Variants in GYS2 observed in about 807,000 individuals in gnomAD.
GYS2 encodes glycogen synthase 2.
GYS2 carries 80 observed loss-of-function variants against 85.6 expected under a neutral mutation model. That is an observed-to-expected ratio of 0.93 (90% CI 0.78 to 1.13). The LOEUF is 1.13. Ranked by LOEUF, GYS2 falls within the 50% of genes most tolerant of loss-of-function variation. The pLI is 0.00. For missense variants in GYS2, 881 were observed against 854.9 expected, an observed-to-expected ratio of 1.03 and a Z score of -0.38; for synonymous variants, 328 against 300.7, an observed-to-expected ratio of 1.09 and a Z score of -0.94.
Position 21,546,410 on chromosome 12 carries a change from C to T in GYS2, c.1483G>A (p.Glu495Lys). The stretch of plus-strand genomic sequence containing the variant: ...CCAAGATGACAACCTCTAACAAACT[C>T]TTCATAGTCCATGGGTAGTAAGGGA... ...TSPLLPMDYE[E>K]FVRGCHLGVF... Residue 495 changes from glutamate (E) to lysine (K), a missense_variant, in exon 12 of 16, where the codon GAG becomes AAG. Physicochemically the swap from Glu to Lys is moderately conservative, Grantham distance 56. Transcript: ENST00000261195. The T allele has an allele frequency of 6.3e-7, 1 of 1,598,412 alleles. No homozygotes were observed. The highest frequency in any genetic ancestry group is 8.6e-7 in the Non-Finnish European group (1 of 1,166,358).
intron 12 of GYS2, among the ~76,000 whole-genome samples, chr12:21,542,937 A>G (rs1204594680): frequency 6.6e-6 from 1 of 152,170 alleles, no homozygotes; most frequent in African/African-American, 2.4e-5. Flanking sequence ...CTGCAGCTTC[A>G]ATCCCAGCTG....
At chr12:21,581,308 G>A (rs1944506827) in intron 1 of GYS2, among the ~76,000 whole-genome samples, 1 of 152,162 alleles carries the variant, frequency 6.6e-6, no homozygotes, top group South Asian at 2.1e-4. Context: ...CCTGGGCCTG[G>A]TTAAAGATAG....
At chr12:21,589,026 T>A (rs774742325) in intron 1 of GYS2, among the ~76,000 whole-genome samples, 14 of 152,360 alleles carry the variant, frequency 9.2e-5, no homozygotes, top group Non-Finnish European at 1.6e-4. Flanking sequence ...TTTCTTCATC[T>A]TCATCTTTTC....
chr12:21,537,116 C>G lies in GYS2; in HGVS notation c.1950G>C (p.Gln650His). ...SSVPPSPSGS[Q>H]ASSPQSSDVE... is the part of the protein sequence containing the mutation. ...CATCACTGCTCTGAGGACTGGAGGC[C>G]TGAGACCCTGAAGGAGAAGGTGGTA... Residue 650 changes from glutamine to histidine, a missense_variant, in exon 16 of 16, where the codon CAG (glutamine) becomes CAC (histidine). Transcript: ENST00000261195. The G allele has an allele frequency of 3.7e-6, 6 of 1,613,912 alleles. No homozygotes were observed. The highest frequency in any genetic ancestry group is 5.1e-6 in the Non-Finnish European group (6 of 1,179,872).
At chr12:21,554,447 C>T (rs1944153214) in intron 11 of GYS2, among the ~76,000 whole-genome samples, 1 of 152,176 alleles carries the variant, frequency 6.6e-6, no homozygotes, top group Non-Finnish European at 1.5e-5. Context: ...TAGTCCTTCG[C>T]ATATCTAATC....
intron 1 of GYS2, among the ~76,000 whole-genome samples, chr12:21,589,746 C>A (rs1370001943): frequency 6.6e-6 from 1 of 152,138 alleles, no homozygotes; most frequent in Non-Finnish European, 1.5e-5. Flanking sequence ...ACCATGCAGG[C>A]CTTGAGACTA....
At chr12:21,560,121 A>G (rs1944234775) in intron 8 of GYS2, among the ~76,000 whole-genome samples, 1 of 152,224 alleles carries the variant, frequency 6.6e-6, no homozygotes. Flanking sequence ...TAGAAAGTTA[A>G]AAAATGTTTG....
chr12:21,555,039 A>C (rs768755434), intron 11 of GYS2, among the ~76,000 whole-genome samples: 69 of 152,134 alleles, frequency 4.5e-4, no homozygotes, highest in Non-Finnish European at 6.5e-4. Context: ...ATTGTACGTA[A>C]CATGTGCCAG....
At chr12:21,569,730 T>G (rs1944364432) in intron 4 of GYS2, among the ~76,000 whole-genome samples, 1 of 152,230 alleles carries the variant, frequency 6.6e-6, no homozygotes, top group East Asian at 1.9e-4. Flanking sequence ...AAAAAGAATA[T>G]GTAAAGTTTC....
chr12:21,545,350 G>A (rs895660924), intron 12 of GYS2, among the ~76,000 whole-genome samples: 1 of 152,168 alleles, frequency 6.6e-6, no homozygotes, highest in African/African-American at 2.4e-5. Context: ...GCTGAGGCAC[G>A]AGAATCTCTT....
chr12:21,554,373 G>A, intron 11 of GYS2, among the ~76,000 whole-genome samples: 1 of 152,112 alleles, frequency 6.6e-6, no homozygotes, highest in East Asian at 1.9e-4. Context: ...TGACCTGCAT[G>A]ACCTGCATCT....
intron 5 of GYS2, among the ~76,000 whole-genome samples, chr12:21,564,991 T>A (rs548394148): frequency 2.0e-5 from 3 of 152,220 alleles, no homozygotes; most frequent in East Asian, 3.9e-4. Flanking sequence ...ATACAAAAGC[T>A]ATAGAAGGCA....
chr12:21,544,878 ACCAAACATG>A (rs1944020023), intron 12 of GYS2, among the ~76,000 whole-genome samples: 1 of 152,208 alleles, frequency 6.6e-6, no homozygotes, highest in Non-Finnish European at 1.5e-5. Context: ...GGACCTTATG[ACCAAACATG>A]CCCAGCCCTC....
chr12:21,563,359 A>G lies in GYS2; in HGVS notation c.824-14T>C. The G allele has an allele frequency of 7.9e-7, 1 of 1,266,302 alleles. No homozygotes were observed. The highest frequency in any genetic ancestry group is 1.2e-6 in the Non-Finnish European group (1 of 862,378). 78.4% of individuals were successfully genotyped at this position (1,266,302 alleles called of 1,614,324 possible). A position where few individuals can be genotyped will look rare whatever the true frequency, so the allele number is the denominator to read the frequency against. On this transcript the variant is annotated splice_polypyrimidine_tract_variant and intron_variant, in intron 5 of 15. Transcript: ENST00000261195. ...GAGTAACTACATCTAGAAAGGCAAA[A>G]CAAAATTATTATGAAAATTCTCTTT...
intron 11 of GYS2, among the ~76,000 whole-genome samples, chr12:21,548,192 T>C (rs1469670382): frequency 6.6e-6 from 1 of 152,170 alleles, no homozygotes; most frequent in Non-Finnish European, 1.5e-5. Context: ...GGGTCAGATA[T>C]TAGTTTTTGA....
chr12:21,536,694 C>T lies in GYS2; in HGVS notation c.*260G>A. The T allele has an allele frequency of 2.1e-6, 1 of 485,058 alleles. No homozygotes were observed. The highest frequency in any genetic ancestry group is 2.3e-5 in the South Asian group (1 of 44,232). The allele number at this position is 485,058 out of a possible 1,614,324, so 30.0% of individuals were successfully genotyped here. On this transcript the variant is annotated 3_prime_UTR_variant, in exon 16 of 16. Coordinates refer to ENST00000261195, the MANE Select transcript of GYS2 (RefSeq NM_021957.4). ...CCACTTAAATTCACCATTTTAAAAA[C>T]ACTTTTCCGTCTTCTGCCTTTAATG... is the stretch of plus-strand genomic sequence containing the variant.
intron 9 of GYS2, among the ~76,000 whole-genome samples, 194 bp downstream of exon 9, chr12:21,559,457 A>G (rs1216962015): frequency 6.6e-6 from 1 of 152,176 alleles, no homozygotes; most frequent in Non-Finnish European, 1.5e-5. Context: ...ATATAAATGT[A>G]TTCTTATTTG....
At chr12:21,581,147 A>T (rs796264693) in intron 1 of GYS2, among the ~76,000 whole-genome samples, 111 of 152,308 alleles carry the variant, frequency 7.3e-4, no homozygotes, top group African/African-American at 2.5e-3. Flanking sequence ...ACAAATACGT[A>T]TTTCATTCTC....
chr12:21,547,030 A>G (rs1160397630), intron 11 of GYS2, among the ~76,000 whole-genome samples: 1 of 152,118 alleles, frequency 6.6e-6, no homozygotes, highest in Non-Finnish European at 1.5e-5. Flanking sequence ...CTCCTAACAT[A>G]CTTGCCTGCT....
Sources: gnomAD v4.1 joint callset for allele counts (sites outside exome capture counted in the v4.1 genomes callset) on GRCh38, gnomAD v4.1.1 for gene constraint, MANE v1.5 for transcripts, NCBI Gene and HGNC (gene_info 2026-07-23, HGNC 2026-07-21) for gene names.